Variants in LRRFIP2 observed in about 807,000 individuals in gnomAD.
LRRFIP2 encodes the protein LRR binding FLII interacting protein 2.
LRRFIP2 carries 109 observed loss-of-function variants against 125.9 expected under a neutral mutation model. That is an observed-to-expected ratio of 0.87 (90% CI 0.74 to 1.01). LRRFIP2 has a LOEUF of 1.01. Ranked by LOEUF, LRRFIP2 falls within the 50% of genes least tolerant of loss-of-function variation. LRRFIP2 has a pLI of 0.00. For synonymous variants in LRRFIP2, 291 were observed against 293.1 expected (o/e 0.99, Z 0.07); for missense variants, 850 against 862.3 (o/e 0.99, Z 0.18).
chr3:37,058,776 C>T lies in LRRFIP2; in HGVS notation c.1870+14G>A, dbSNP rs376528401. 2.5e-6 allele frequency: 4 copies of T among 1,613,816 alleles called. No individual in the cohort carries two copies. The highest frequency in any genetic ancestry group is 1.1e-5 in the South Asian group (1 of 91,068). The stretch of plus-strand genomic sequence containing the variant: ...TATATACAGACTGGGACTGGCCTGT[C>T]CCCTGGTACCTACTCTGCATTTCGA... On this transcript the variant is annotated intron_variant, in intron 25 of 27. Coordinates refer to ENST00000336686, the MANE Select transcript of LRRFIP2 (RefSeq NM_006309.4).
At chr3:37,116,312 T>TTA (rs1553756602) in intron 6 of LRRFIP2, among the ~76,000 whole-genome samples, 1 of 146,674 alleles carries the variant, frequency 6.8e-6, no homozygotes, top group African/African-American at 2.5e-5. Flanking sequence ...TTTTTTTTTT[T>TTA]AATTTTAGGA....
In LRRFIP2 at chr3:37,072,646, G is replaced by C. The variant is rs2091428125; in HGVS notation, c.1464+144C>G. The C allele has an allele frequency of 2.0e-5, 9 of 451,280 alleles. No homozygotes were observed. The South Asian group carries it at 5.1e-4, about 26-fold the overall frequency. 28.0% of individuals were successfully genotyped at this position (451,280 alleles called of 1,614,324 possible). ...CACAACGTCAGGTTTTCCTATGGAA[G>C]TCTCTGTCTCCTACTGACTCATTTT... On this transcript the variant is annotated intron_variant, in intron 21 of 27. Coordinates refer to ENST00000336686, the MANE Select transcript of LRRFIP2 (RefSeq NM_006309.4).
At chr3:37,079,173 A>C (rs926523485) in intron 19 of LRRFIP2, among the ~76,000 whole-genome samples, 2 of 152,240 alleles carry the variant, frequency 1.3e-5, no homozygotes, top group African/African-American at 4.8e-5. Context: ...AGATATGCAA[A>C]TAGCCAATAA....
intron 25 of LRRFIP2, among the ~76,000 whole-genome samples, chr3:37,057,947 T>C (rs1032582171): frequency 7.9e-5 from 12 of 152,284 alleles, no homozygotes; most frequent in Middle Eastern, 6.8e-3. Flanking sequence ...GTAAAATGAA[T>C]AGAATAGACT....
intron 26 of LRRFIP2, 136 bp downstream of exon 26, chr3:37,054,950 C>CT: frequency 3.3e-6 from 2 of 614,068 alleles, no homozygotes; most frequent in East Asian, 3.1e-5. Context: ...AACAAGTGCT[C>CT]TCTGCTGGCT....
intron 21 of LRRFIP2, among the ~76,000 whole-genome samples, chr3:37,070,813 A>G (rs1423059836): frequency 6.6e-6 from 1 of 152,186 alleles, no homozygotes; most frequent in Non-Finnish European, 1.5e-5. Flanking sequence ...AGGGGTTTCT[A>G]TGGCTGGTCC....
At position 37,083,771 on chromosome 3, in the gene LRRFIP2, T is replaced by G; in HGVS notation, c.1143A>C (p.Lys381Asn). 6.3e-7 allele frequency: 1 copy of G among 1,593,100 alleles called. No individual in the cohort carries two copies. The change falls in exon 19 of 28, where the codon AAA (lysine) becomes AAC (asparagine). Residue 381 changes from lysine (K) to asparagine (N), a missense_variant. Physicochemically the swap from Lys to Asn is moderately conservative, Grantham distance 94. Coordinates refer to ENST00000336686, the MANE Select transcript of LRRFIP2 (RefSeq NM_006309.4). ...CTAACTGTGCATTGGAAACCATGGC[T>G]TTCTTGTATTTTTCTTCCACTTCAG... ...SLSEVEEKYK[K>N]AMVSNAQLDN...
chr3:37,090,624 T>C (rs1053390586), intron 18 of LRRFIP2, among the ~76,000 whole-genome samples: 4 of 152,182 alleles, frequency 2.6e-5, no homozygotes, highest in African/African-American at 9.7e-5. Context: ...CAGAATGACA[T>C]GTGAGGAAAA....
At chr3:37,066,483 T>TA (rs1265671979) in intron 21 of LRRFIP2, 158 bp from the exon 22 acceptor site, 2 of 638,650 alleles carry the variant, frequency 3.1e-6, no homozygotes, top group Admixed American at 2.3e-5. Context: ...TGGGAGGAAA[T>TA]ACAGAGTTAC....
chr3:37,104,126 A>G (rs942386776), intron 14 of LRRFIP2, among the ~76,000 whole-genome samples: 1 of 152,194 alleles, frequency 6.6e-6, no homozygotes, highest in Non-Finnish European at 1.5e-5. Flanking sequence ...ATTCACAATA[A>G]TAATAATAAT....
intron 1 of LRRFIP2, 70 bp from the exon 2 acceptor site, chr3:37,149,108 A>T: frequency 1.5e-6 from 2 of 1,299,836 alleles, no homozygotes; most frequent in South Asian, 3.3e-5. Flanking sequence ...TTATATATTC[A>T]CTTTTAACAG....
intron 1 of LRRFIP2, among the ~76,000 whole-genome samples, chr3:37,159,572 T>C (rs1260534422): frequency 1.3e-5 from 2 of 152,118 alleles, no homozygotes; most frequent in Non-Finnish European, 2.9e-5. Context: ...AGTGGTGCGA[T>C]CTCAGCTCAG....
At chr3:37,135,289 T>C (rs555426880) in intron 2 of LRRFIP2, among the ~76,000 whole-genome samples, 172 of 152,086 alleles carry the variant, frequency 1.1e-3, no homozygotes, top group Non-Finnish European at 1.8e-3. Flanking sequence ...TGAAATCCTG[T>C]CTCTACTAAA....
chr3:37,114,646 A>G (rs2149474032), intron 7 of LRRFIP2, among the ~76,000 whole-genome samples: 1 of 152,208 alleles, frequency 6.6e-6, no homozygotes, highest in East Asian at 1.9e-4. Context: ...TTAGCTGGGC[A>G]TGGTGGCACA....
In LRRFIP2 at chr3:37,094,881, T is replaced by C. The variant is rs771102069; in HGVS notation, c.946A>G (p.Thr316Ala). The change falls in exon 17 of 28, where the codon ACA (threonine) becomes GCA (alanine). Residue 316 changes from threonine to alanine, a missense_variant. Transcript: ENST00000336686. ...RPSSRNSASA[T>A]TPLSGNSSRR... ...GATGAGTTTCCACTTAGAGGGGTTG[T>C]TGCTGAGGCAGAATTTCGAGATGAA... The C allele has an allele frequency of 1.2e-6, 2 of 1,613,558 alleles. No homozygotes were observed. The highest frequency in any genetic ancestry group is 1.7e-6 in the Non-Finnish European group (2 of 1,179,480).
chr3:37,153,892 T>C (rs78146353), intron 1 of LRRFIP2, among the ~76,000 whole-genome samples: 1 of 151,866 alleles, frequency 6.6e-6, no homozygotes, highest in East Asian at 1.9e-4. Context: ...AAGGACTACC[T>C]AGTTCAAAGG....
At chr3:37,115,811 C>T (rs1218923843) in intron 6 of LRRFIP2, among the ~76,000 whole-genome samples, 2 of 152,098 alleles carry the variant, frequency 1.3e-5, no homozygotes, top group East Asian at 1.9e-4. Flanking sequence ...ATATGTAATA[C>T]CACATTTCAA....
rs75990850 is a variant in LRRFIP2, at chr3:37,156,177, T to C, written c.-55-7139A>G. On this transcript the variant is annotated intron_variant, in intron 1 of 27. Transcript: ENST00000336686. ...GACGAAAGCCACCATGCTCGGGCTA[T>C]GCTTAAAATTTTTTATCATCAGCCA... Among the ~76,000 whole-genome samples the C allele has an allele frequency of 9.1e-3, 1,381 of 152,214 alleles. 24 individuals are homozygous for C. The highest frequency in any genetic ancestry group is 0.032 in the African/African-American group (1,318 of 41,540).
At chr3:37,072,755 T>C (rs1465535499) in intron 21 of LRRFIP2, 35 bp downstream of exon 21, 1 of 1,300,446 alleles carries the variant, frequency 7.7e-7, no homozygotes, top group Non-Finnish European at 1.1e-6. Context: ...TCCTCATCAA[T>C]GAGCTTCTAA....
Sources: gnomAD v4.1 joint callset for allele counts (sites outside exome capture counted in the v4.1 genomes callset) on GRCh38, gnomAD v4.1.1 for gene constraint, MANE v1.5 for transcripts, NCBI Gene and HGNC (gene_info 2026-07-23, HGNC 2026-07-21) for gene names.